The following EPHA4 variants were observed in gnomAD, a reference collection of about 807,000 sequenced individuals.
EPHA4 encodes the protein EPH receptor A4, also known as ephrin type-A receptor 4.
EPHA4 carries 19 observed loss-of-function variants against 108.3 expected under a neutral mutation model. The observed-to-expected ratio is 0.18, with a 90% CI of 0.12 to 0.26. The LOEUF (loss-of-function observed/expected upper bound fraction) is 0.26. Among genes scored for constraint, EPHA4 ranks in the 10% least tolerant of loss-of-function variants. The pLI is 1.00. For missense variants in EPHA4, 917 were observed against 1,254.0 expected, an observed-to-expected ratio of 0.73 and a Z score of 4.06; for synonymous variants, 449 against 455.5, an observed-to-expected ratio of 0.99 and a Z score of 0.18.
At chr2:221,495,831 C>A (rs555600815) in intron 4 of EPHA4, among the ~76,000 whole-genome samples, 1 of 152,166 alleles carries the variant, frequency 6.6e-6, no homozygotes, top group African/African-American at 2.4e-5. Context: ...AGCACAGTCT[C>A]TCTTTGGCTA....
chr2:221,553,996 T>C (rs955470230), intron 3 of EPHA4, among the ~76,000 whole-genome samples: 4 of 152,210 alleles, frequency 2.6e-5, no homozygotes, highest in African/African-American at 9.6e-5. Flanking sequence ...TTACTTCAAA[T>C]GGTATTTTAA....
At chr2:221,483,498 ATT>A (rs1319107098) in intron 4 of EPHA4, among the ~76,000 whole-genome samples, 1 of 130,898 alleles carries the variant, frequency 7.6e-6, no homozygotes, top group Admixed American at 7.7e-5. Flanking sequence ...CTTGATGTAG[ATT>A]TGTGTGTGTG....
chr2:221,498,123 T>A (rs1175948817), intron 4 of EPHA4, among the ~76,000 whole-genome samples: 1 of 152,170 alleles, frequency 6.6e-6, no homozygotes, highest in Non-Finnish European at 1.5e-5. Context: ...GTAGCAAGAC[T>A]TGGTAATAAA....
At chr2:221,566,931 G>GGAGAAC (rs1694672129) in intron 2 of EPHA4, among the ~76,000 whole-genome samples, 1 of 68,710 alleles carries the variant, frequency 1.5e-5, no homozygotes, top group Non-Finnish European at 2.7e-5. Context: ...AGAAGGAGAA[G>GGAGAAC]GAGAAGGAGA....
intron 17 of EPHA4, among the ~76,000 whole-genome samples, chr2:221,423,171 T>C (rs1490580992): frequency 1.3e-5 from 2 of 152,242 alleles, no homozygotes; most frequent in Non-Finnish European, 2.9e-5. Context: ...GAATATTTCA[T>C]ACACACTTGC....
At chr2:221,535,070 C>T (rs1056257295) in intron 3 of EPHA4, among the ~76,000 whole-genome samples, 7 of 152,196 alleles carry the variant, frequency 4.6e-5, no homozygotes, top group Admixed American at 2.6e-4. Flanking sequence ...AAGAAATAAG[C>T]AGCACTATTC....
intron 8 of EPHA4, among the ~76,000 whole-genome samples, chr2:221,451,090 T>C (rs1690771063): frequency 6.6e-6 from 1 of 152,120 alleles, no homozygotes; most frequent in Admixed American, 6.5e-5. Context: ...AGTACATGCC[T>C]GTAATCCCAG....
Position 221,426,597 on chromosome 2 carries a change from G to T in EPHA4, c.2713C>A (p.Pro905Thr), listed in dbSNP as rs377085774. The T allele has an allele frequency of 1.7e-5, 28 of 1,613,548 alleles. No individual in the cohort carries two copies. Among genetic ancestry groups the T allele is most frequent in the Non-Finnish European group, 2.3e-5 (27 of 1,179,948 alleles). ...ACAGCAGAGAATTCAGGGGAGCTTG[G>T]ATCCAACAAGGCAGTGTTAGGTCTA... ...SSRPNTALLD[P>T]SSPEFSAVVS... The change falls in exon 16 of 18, where the codon CCA (proline) becomes ACA (threonine). Residue 905 changes from proline (P) to threonine (T), a missense_variant. Transcript: ENST00000281821.
intron 8 of EPHA4, 135 bp downstream of exon 8, chr2:221,455,412 A>G (rs1051643953): frequency 1.5e-6 from 1 of 681,738 alleles, no homozygotes; most frequent in Non-Finnish European, 2.6e-6. Context: ...GATCAAAGCA[A>G]CAAGGAGGAA....
chr2:221,563,165 T>G (rs778991419), intron 3 of EPHA4, among the ~76,000 whole-genome samples: 33 of 152,128 alleles, frequency 2.2e-4, no homozygotes, highest in Non-Finnish European at 4.3e-4. Flanking sequence ...GGGAACAGAA[T>G]GTACTTGAAG....
At chr2:221,472,414 C>T (rs897587128) in intron 5 of EPHA4, among the ~76,000 whole-genome samples, 3 of 151,768 alleles carry the variant, frequency 2.0e-5, no homozygotes, top group African/African-American at 7.3e-5. Context: ...ACCCCCTTTT[C>T]AGTGTTTGTG....
At chr2:221,457,606 T>A (rs1691000083) in intron 6 of EPHA4, among the ~76,000 whole-genome samples, 1 of 152,228 alleles carries the variant, frequency 6.6e-6, no homozygotes, top group Non-Finnish European at 1.5e-5. Flanking sequence ...TCAGGATAAC[T>A]AAGTAAATGA....
chr2:221,470,585 T>C (rs1691451267), intron 5 of EPHA4, among the ~76,000 whole-genome samples: 2 of 79,534 alleles, frequency 2.5e-5, no homozygotes, highest in African/African-American at 5.7e-5. Context: ...ACCTCTGCTT[T>C]TCCCTAAAGT....
At chr2:221,472,425 C>G (rs1182451333) in intron 5 of EPHA4, among the ~76,000 whole-genome samples, 2 of 151,816 alleles carry the variant, frequency 1.3e-5, no homozygotes, top group African/African-American at 4.8e-5. Flanking sequence ...AGTGTTTGTG[C>G]TAATGGATGG....
intron 3 of EPHA4, among the ~76,000 whole-genome samples, chr2:221,553,113 T>C (rs1694208153): frequency 6.6e-6 from 1 of 152,226 alleles, no homozygotes; most frequent in Non-Finnish European, 1.5e-5. Flanking sequence ...GTTATCAGTT[T>C]ATTATTTCAT....
chr2:221,558,648 A>G (rs141673355), intron 3 of EPHA4, among the ~76,000 whole-genome samples: 1 of 152,302 alleles, frequency 6.6e-6, no homozygotes, highest in Admixed American at 6.5e-5. Flanking sequence ...CTTGAATACC[A>G]TATTCAAAAA....
At chr2:221,539,070 C>T (rs1693756338) in intron 3 of EPHA4, among the ~76,000 whole-genome samples, 1 of 152,106 alleles carries the variant, frequency 6.6e-6, no homozygotes, top group South Asian at 2.1e-4. Flanking sequence ...TAGAGCCCAG[C>T]CTACACTCCT....
chr2:221,455,632 C>T lies in EPHA4; in HGVS notation c.1630G>A (p.Ala544Thr). 1 of 1,613,768 alleles carries T rather than the reference C, an allele frequency of 6.2e-7. No homozygotes were observed. Among genetic ancestry groups the T allele is most frequent in the African/African-American group, 1.3e-5 (1 of 75,020 alleles). Residue 544 changes from alanine (A) to threonine (T), a missense_variant, in exon 8 of 18, where the codon GCT becomes ACT. Transcript: ENST00000281821. ...GAGACCAGAAGGACTGTGGAGTTAGCCCCATCTCCAATGATCCGGGAAGGC... is the reference window on the plus strand; with the variant it reads ...GAGACCAGAAGGACTGTGGAGTTAGTCCCATCTCCAATGATCCGGGAAGGC... Reference protein sequence around the residue: ...TVPSRIIGDGANSTVLLVSVS... With the variant: ...TVPSRIIGDGTNSTVLLVSVS...
At position 221,501,024 on chromosome 2, in the gene EPHA4, G is replaced by T; in HGVS notation, c.972C>A (p.Pro324=). The change falls in exon 4 of 18, where the codon CCC becomes CCA. Residue 324 remains proline, a synonymous_variant. Coordinates refer to ENST00000281821, the MANE Select transcript of EPHA4 (RefSeq NM_004438.5). Reference sequence around the variant, plus strand: ...GACAAGCATACAACTTACGGGTGCAGGGCATAGAGGCAGCATCGTTGTCAG... The same window carrying T: ...GACAAGCATACAACTTACGGGTGCATGGCATAGAGGCAGCATCGTTGTCAG... ...FRADNDAASM[P]CTRPPSAPLN... 1 of 1,607,318 alleles carries T rather than the reference G, an allele frequency of 6.2e-7. No individual in the cohort carries two copies.
Sources: allele counts gnomAD v4.1 joint callset (sites outside exome capture counted in the v4.1 genomes callset), GRCh38; gene constraint gnomAD v4.1.1; transcripts MANE v1.5; gene names NCBI Gene and HGNC (gene_info 2026-07-23, HGNC 2026-07-21).